SLC9A9: variants seen among roughly 807,000 people sequenced by gnomAD.
SLC9A9 encodes sodium/hydrogen exchanger 9.
SLC9A9 carries 62 observed loss-of-function variants against 77.8 expected under a neutral mutation model. That is an observed-to-expected ratio of 0.80 (90% CI 0.65 to 0.98). SLC9A9 has a LOEUF of 0.98. Ranked by LOEUF, SLC9A9 falls within the 50% of genes least tolerant of loss-of-function variation. The pLI is 0.00. For synonymous variants in SLC9A9, 320 were observed against 283.5 expected, an observed-to-expected ratio of 1.13 and a Z score of -1.29; for missense variants, 775 against 774.9, an observed-to-expected ratio of 1.00 and a Z score of 0.00.
intron 14 of SLC9A9, among the ~76,000 whole-genome samples, chr3:143,276,750 A>T (rs1268464998): frequency 6.6e-6 from 1 of 151,876 alleles, no homozygotes; most frequent in South Asian, 2.1e-4. Flanking sequence ...ATGGTTCTTA[A>T]CCTTCCCTGG....
intron 9 of SLC9A9, among the ~76,000 whole-genome samples, chr3:143,549,467 A>G (rs1024706669): frequency 6.6e-6 from 1 of 152,224 alleles, no homozygotes; most frequent in Non-Finnish European, 1.5e-5. Context: ...ATGAAGTGGA[A>G]GGGAATTAGC....
chr3:143,765,435 G>T (rs1394345213), intron 4 of SLC9A9, among the ~76,000 whole-genome samples: 1 of 152,108 alleles, frequency 6.6e-6, no homozygotes, highest in African/African-American at 2.4e-5. Flanking sequence ...GAGTGCAGTA[G>T]GGATCTCTTG....
intron 9 of SLC9A9, among the ~76,000 whole-genome samples, chr3:143,524,510 G>C (rs2036370505): frequency 6.6e-6 from 1 of 152,072 alleles, no homozygotes; most frequent in African/African-American, 2.4e-5. Context: ...ATAGGTCAAT[G>C]GCCATTTTGA....
chr3:143,598,520 T>C (rs1348207243), intron 6 of SLC9A9, among the ~76,000 whole-genome samples: 2 of 152,230 alleles, frequency 1.3e-5, no homozygotes, highest in African/African-American at 4.8e-5. Flanking sequence ...GGCAGATTCT[T>C]TGTACCAGTG....
chr3:143,704,995 ATATCTATC>A (rs61441328), intron 4 of SLC9A9, among the ~76,000 whole-genome samples: 201 of 116,036 alleles, frequency 1.7e-3, no homozygotes, highest in South Asian at 0.014. Context: ...TCCATCTCAA[ATATCTATC>A]TATCTATCTA....
intron 8 of SLC9A9, among the ~76,000 whole-genome samples, chr3:143,552,847 A>G (rs538448816): frequency 2.7e-4 from 41 of 152,276 alleles, no homozygotes; most frequent in Admixed American, 1.8e-3. Context: ...TATTTTCTGA[A>G]AGATATTTGC....
intron 1 of SLC9A9, among the ~76,000 whole-genome samples, chr3:143,833,257 C>G (rs1237970253): frequency 2.6e-5 from 4 of 152,084 alleles, no homozygotes; most frequent in Non-Finnish European, 5.9e-5. Flanking sequence ...ATCTAATAAC[C>G]TTTTATTTCT....
intron 5 of SLC9A9, among the ~76,000 whole-genome samples, chr3:143,653,650 G>A (rs1280395542): frequency 1.3e-5 from 2 of 152,090 alleles, no homozygotes; most frequent in East Asian, 3.9e-4. Flanking sequence ...TAAGAGAGAT[G>A]ACACAATCTG....
At chr3:143,611,663 A>G (rs2038024017) in intron 6 of SLC9A9, among the ~76,000 whole-genome samples, 1 of 152,180 alleles carries the variant, frequency 6.6e-6, no homozygotes, top group African/African-American at 2.4e-5. Flanking sequence ...GTAGACTCAG[A>G]GTGGATCTTG....
intron 6 of SLC9A9, among the ~76,000 whole-genome samples, chr3:143,585,720 C>G (rs150333612): frequency 6.6e-6 from 1 of 152,338 alleles, no homozygotes; most frequent in East Asian, 1.9e-4. Flanking sequence ...CCATAGAACA[C>G]TGGGCTGGGT....
chr3:143,300,786 CT>C (rs1464362560), intron 14 of SLC9A9, among the ~76,000 whole-genome samples: 2 of 152,232 alleles, frequency 1.3e-5, no homozygotes, highest in Non-Finnish European at 2.9e-5. Flanking sequence ...TGGAGTACCA[CT>C]CTTTAAAGCA....
At chr3:143,538,249 G>A (rs1161293128) in intron 9 of SLC9A9, among the ~76,000 whole-genome samples, 1 of 152,158 alleles carries the variant, frequency 6.6e-6, no homozygotes, top group African/African-American at 2.4e-5. Flanking sequence ...AGGTTAGATT[G>A]TCTCAAACTC....
intron 2 of SLC9A9, among the ~76,000 whole-genome samples, chr3:143,810,157 G>C (rs1354995525): frequency 6.6e-6 from 1 of 152,172 alleles, no homozygotes; most frequent in African/African-American, 2.4e-5. Context: ...ATGTGCACCA[G>C]TATTTGGCTA....
chr3:143,536,027 T>C (rs1189589591), intron 9 of SLC9A9, among the ~76,000 whole-genome samples: 1 of 152,170 alleles, frequency 6.6e-6, no homozygotes, highest in African/African-American at 2.4e-5. Flanking sequence ...GGGGAAAAAG[T>C]GAAGAAATTT....
chr3:143,461,626 C>T (rs1476392376), intron 12 of SLC9A9, among the ~76,000 whole-genome samples: 2 of 152,076 alleles, frequency 1.3e-5, no homozygotes. Flanking sequence ...ATTTATTGCT[C>T]AAAATCCTAC....
chr3:143,740,124 G>A (rs1342498236), intron 4 of SLC9A9, among the ~76,000 whole-genome samples: 3 of 152,136 alleles, frequency 2.0e-5, no homozygotes, highest in Non-Finnish European at 2.9e-5. Context: ...GCCATTTAAA[G>A]AAGCCGCCAA....
chr3:143,315,689 TACTC>T (rs978422970), intron 14 of SLC9A9, among the ~76,000 whole-genome samples: 1 of 152,362 alleles, frequency 6.6e-6, no homozygotes, highest in African/African-American at 2.4e-5. Flanking sequence ...GATTGAATGA[TACTC>T]ACTCAGAGGC....
intron 9 of SLC9A9, among the ~76,000 whole-genome samples, chr3:143,544,300 C>T (rs1461419845): frequency 2.6e-5 from 4 of 152,056 alleles, no homozygotes; most frequent in African/African-American, 9.7e-5. Flanking sequence ...GATCTCGGTT[C>T]ACTGCAAGCT....
chr3:143,604,989 C>T (rs1454537487), intron 6 of SLC9A9, among the ~76,000 whole-genome samples: 1 of 152,138 alleles, frequency 6.6e-6, no homozygotes, highest in African/African-American at 2.4e-5. Flanking sequence ...AACCATTAAG[C>T]GTCACAAAGG....
Sources: allele counts gnomAD v4.1 joint callset (sites outside exome capture counted in the v4.1 genomes callset), GRCh38; gene constraint gnomAD v4.1.1; transcripts MANE v1.5; gene names NCBI Gene and HGNC (gene_info 2026-07-23, HGNC 2026-07-21).